The following DMXL2 variants were observed in gnomAD, a reference collection of about 807,000 sequenced individuals.
The protein encoded by DMXL2 is Dmx like 2.
In DMXL2, 103 loss-of-function variants were observed where a neutral mutation model predicts 331.1. The observed-to-expected ratio is 0.31, with a 90% CI of 0.27 to 0.37. DMXL2 has a LOEUF of 0.37. DMXL2 is among the 10% of genes least tolerant of loss of function. The probability of loss-of-function intolerance (pLI) is 1.00; values close to 1 mark genes in which losing one functional copy is unlikely to be tolerated. For missense variants in DMXL2, 3,171 were observed against 3,642.9 expected, an observed-to-expected ratio of 0.87 and a Z score of 3.33; for synonymous variants, 1,281 against 1,252.1, an observed-to-expected ratio of 1.02 and a Z score of -0.49.
intron 1 of DMXL2, among the ~76,000 whole-genome samples, chr15:51,599,704 C>G (rs1478339584): frequency 6.6e-6 from 1 of 152,056 alleles, no homozygotes; most frequent in African/African-American, 2.4e-5. Flanking sequence ...GGCCTTCCCA[C>G]TTTCTCTTTT....
At chr15:51,564,872 T>C (rs943686278) in intron 4 of DMXL2, among the ~76,000 whole-genome samples, 2 of 151,994 alleles carry the variant, frequency 1.3e-5, no homozygotes, top group African/African-American at 2.4e-5. Context: ...TAACTGCTTC[T>C]TGAAATAAAA....
chr15:51,600,244 A>G (rs764058315), intron 1 of DMXL2, among the ~76,000 whole-genome samples: 1 of 152,164 alleles, frequency 6.6e-6, no homozygotes, highest in African/African-American at 2.4e-5. Context: ...GTCAATCAAG[A>G]TACCTGCCTT....
At chr15:51,538,868 T>C (rs2048428235) in intron 9 of DMXL2, among the ~76,000 whole-genome samples, 1 of 152,246 alleles carries the variant, frequency 6.6e-6, no homozygotes, top group Non-Finnish European at 1.5e-5. Context: ...TACTTGCTAA[T>C]GTAAGGGTGA....
At chr15:51,486,731 G>T (rs966017390) in intron 22 of DMXL2, among the ~76,000 whole-genome samples, 2 of 151,718 alleles carry the variant, frequency 1.3e-5, no homozygotes, top group Non-Finnish European at 1.5e-5. Context: ...TATTTAAATA[G>T]TAAATAAATT....
At chr15:51,543,958 G>A (rs934701722) in intron 8 of DMXL2, among the ~76,000 whole-genome samples, 2 of 151,978 alleles carry the variant, frequency 1.3e-5, no homozygotes, top group Non-Finnish European at 2.9e-5. Context: ...GATAAAACAC[G>A]TTACATAAGT....
At chr15:51,544,331 T>C (rs919425381) in intron 8 of DMXL2, among the ~76,000 whole-genome samples, 1 of 152,106 alleles carries the variant, frequency 6.6e-6, no homozygotes, top group African/African-American at 2.4e-5. Flanking sequence ...TCCCCGCAAC[T>C]CTCTCTTGTT....
chr15:51,581,357 C>G (rs1234823629), intron 1 of DMXL2, among the ~76,000 whole-genome samples: 2 of 152,152 alleles, frequency 1.3e-5, no homozygotes, highest in Non-Finnish European at 2.9e-5. Flanking sequence ...TCCACAAAAC[C>G]GGTCCTTGGT....
At position 51,476,605 on chromosome 15, in the gene DMXL2, A is replaced by C; in HGVS notation, c.6948T>G (p.Ser2316=). 1 of 1,608,064 alleles carries C rather than the reference A, an allele frequency of 6.2e-7. No homozygotes were observed. The highest frequency in any genetic ancestry group is 1.1e-5 in the South Asian group (1 of 89,338). The part of the protein sequence containing the change: ...SIEEHATPNS[S]PAQWPGVSSL... ...AATTCTCACCAGGCCATTGAGCAGG[A>C]GATGAATTTGGTGTTGCGTGTTCTT... The change falls in exon 27 of 44, where the codon TCT becomes TCG. Residue 2316 remains serine, a synonymous_variant. Coordinates refer to ENST00000560891, the MANE Select transcript of DMXL2 (RefSeq NM_001378457.1).
chr15:51,482,269 A>T (rs1017148902), intron 23 of DMXL2, among the ~76,000 whole-genome samples: 3 of 152,168 alleles, frequency 2.0e-5, no homozygotes, highest in African/African-American at 7.2e-5. Flanking sequence ...AAACAAAAAA[A>T]TTCTGCAAAA....
At chr15:51,589,977 T>C (rs1033844078) in intron 1 of DMXL2, among the ~76,000 whole-genome samples, 1 of 152,106 alleles carries the variant, frequency 6.6e-6, no homozygotes, top group East Asian at 1.9e-4. Context: ...AATAGAAAAA[T>C]TATGCTTTAT....
At chr15:51,520,917 T>TA (rs2047323928) in intron 13 of DMXL2, among the ~76,000 whole-genome samples, 2 of 152,094 alleles carry the variant, frequency 1.3e-5, no homozygotes, top group African/African-American at 4.8e-5. Context: ...TAAAGACACC[T>TA]ACAAAGCAAT....
At chr15:51,622,184 C>T (rs2054685928) in intron 1 of DMXL2, among the ~76,000 whole-genome samples, 1 of 152,236 alleles carries the variant, frequency 6.6e-6, no homozygotes, top group Non-Finnish European at 1.5e-5. Flanking sequence ...TAGGAGGAGC[C>T]TTCTAGTCCA....
chr15:51,537,311 T>A (rs1596168870), intron 11 of DMXL2, among the ~76,000 whole-genome samples, 177 bp downstream of exon 11: 2 of 152,188 alleles, frequency 1.3e-5, no homozygotes, highest in African/African-American at 4.8e-5. Context: ...TTCTAACTAA[T>A]CAAGTTTGCT....
intron 6 of DMXL2, among the ~76,000 whole-genome samples, chr15:51,549,118 C>G (rs1463676839): frequency 6.6e-6 from 1 of 152,046 alleles, no homozygotes; most frequent in Admixed American, 6.6e-5. Context: ...CTCCTCCCAC[C>G]CTTCCTCCCT....
chr15:51,556,342 CAA>C (rs1337118023), intron 6 of DMXL2, among the ~76,000 whole-genome samples: 1 of 46,562 alleles, frequency 2.1e-5, no homozygotes, highest in Non-Finnish European at 4.2e-5. Context: ...GACACTGTCT[CAA>C]AAAAAAAAAA....
At chr15:51,548,163 A>C (rs2048994560) in intron 6 of DMXL2, among the ~76,000 whole-genome samples, 1 of 144,190 alleles carries the variant, frequency 6.9e-6, no homozygotes, top group South Asian at 2.2e-4. Flanking sequence ...GTATTTTAAC[A>C]GAAACTATCT....
chr15:51,479,481 C>CT (rs1334542546), intron 25 of DMXL2, among the ~76,000 whole-genome samples: 14 of 152,170 alleles, frequency 9.2e-5, no homozygotes, highest in African/African-American at 3.4e-4. Context: ...TGCCAAAACT[C>CT]TGATTGCCTC....
intron 40 of DMXL2, among the ~76,000 whole-genome samples, 189 bp downstream of exon 40, chr15:51,454,962 G>C (rs1334999428): frequency 6.6e-6 from 1 of 152,126 alleles, no homozygotes; most frequent in Admixed American, 6.5e-5. Flanking sequence ...TGAAAAGCAA[G>C]GCTTTTTGTT....
intron 13 of DMXL2, among the ~76,000 whole-genome samples, chr15:51,520,771 C>T (rs779940043): frequency 2.0e-5 from 3 of 152,206 alleles, no homozygotes; most frequent in East Asian, 3.9e-4. Flanking sequence ...GCAGGAGTAT[C>T]GTTTGAACCT....
Sources: allele counts gnomAD v4.1 joint callset (sites outside exome capture counted in the v4.1 genomes callset), GRCh38; gene constraint gnomAD v4.1.1; transcripts MANE v1.5; gene names NCBI Gene and HGNC (gene_info 2026-07-23, HGNC 2026-07-21).